Variants in GPC4 observed in about 807,000 individuals in gnomAD.
GPC4 encodes the protein glypican-4.
In GPC4, 10 loss-of-function variants were observed where a neutral mutation model predicts 35.0. That is an observed-to-expected ratio of 0.29 (90% CI 0.18 to 0.48). GPC4 has a LOEUF of 0.48. GPC4 is among the 20% of genes least tolerant of loss of function. GPC4 has a pLI of 0.99. For synonymous variants in GPC4, 167 were observed against 170.2 expected (o/e 0.98, Z 0.15); for missense variants, 322 against 451.3 (o/e 0.71, Z 2.60).
At chrX:133,400,993 G>A (rs967082647) in intron 1 of GPC4, among the ~76,000 whole-genome samples, 8 of 111,054 alleles carry the variant, frequency 7.2e-5, no homozygotes, top group Non-Finnish European at 1.5e-4. Context: ...TCAAAGCCCT[G>A]AAACATGTGA....
chrX:133,372,299 G>A (rs1487883223), intron 1 of GPC4, among the ~76,000 whole-genome samples: 1 of 104,131 alleles, frequency 9.6e-6, no homozygotes, highest in African/African-American at 3.4e-5. Context: ...AGGTATTTCT[G>A]TTTTGCAAGG....
intron 1 of GPC4, among the ~76,000 whole-genome samples, chrX:133,369,424 G>A (rs774266120): frequency 8.9e-5 from 10 of 112,078 alleles, no homozygotes; most frequent in African/African-American, 2.9e-4. Flanking sequence ...CCATTAGACA[G>A]TGTGAGTTAA....
rs1240668256 is a variant in GPC4, at chrX:133,301,376, G to C, written c.*1491C>G. 8.9e-6 allele frequency: 1 copy of C among 112,659 alleles called. No homozygotes were observed. Among genetic ancestry groups the C allele is most frequent in the Non-Finnish European group, 1.9e-5 (1 of 53,337 alleles). 9.3% of individuals were successfully genotyped at this position (112,659 alleles called of 1,213,427 possible). A position where few individuals can be genotyped will look rare whatever the true frequency, so the allele number is the denominator to read the frequency against. The stretch of plus-strand genomic sequence containing the variant: ...GACTTCTGGGAACTCCTTTGAAAGT[G>C]ATTTGTTACATTATCAGAGTTTTAT... On this transcript the variant is annotated 3_prime_UTR_variant, in exon 9 of 9. Coordinates refer to ENST00000370828, the MANE Select transcript of GPC4 (RefSeq NM_001448.3).
intron 1 of GPC4, among the ~76,000 whole-genome samples, chrX:133,363,766 A>C (rs1257155757): frequency 1.8e-5 from 2 of 111,238 alleles, no homozygotes; most frequent in Non-Finnish European, 3.8e-5. Context: ...CATCACCACT[A>C]TCTAATCCCA....
At chrX:133,348,354 C>G (rs1235057675) in intron 1 of GPC4, among the ~76,000 whole-genome samples, 1 of 112,369 alleles carries the variant, frequency 8.9e-6, no homozygotes. Context: ...CTATTTTGCA[C>G]ATTTACAACC....
intron 1 of GPC4, among the ~76,000 whole-genome samples, chrX:133,380,072 C>G (rs2068653957): frequency 9.0e-6 from 1 of 110,623 alleles, no homozygotes; most frequent in African/African-American, 3.3e-5. Context: ...CGTGGTGGCT[C>G]ACACCTGTAA....
intron 1 of GPC4, among the ~76,000 whole-genome samples, chrX:133,396,984 G>A (rs2068746300): frequency 8.9e-6 from 1 of 111,849 alleles, no homozygotes; most frequent in Non-Finnish European, 1.9e-5. Flanking sequence ...TACAGACCCA[G>A]CAGAGAGAGA....
In GPC4 at chrX:133,403,563, A is replaced by T. The variant is rs2068774843; in HGVS notation, c.160+11243T>A. ...TAAGAGCACAGCAGATATGAATAAA[A>T]ATATCTCGTCCTGGAATGAGTACAG... On this transcript the variant is annotated intron_variant, in intron 1 of 8. Coordinates refer to ENST00000370828, the MANE Select transcript of GPC4 (RefSeq NM_001448.3). 3.6e-5 allele frequency among the ~76,000 whole-genome samples: 4 copies of T among 111,568 alleles called. No homozygotes were observed. In the South Asian group the frequency reaches 1.5e-3, roughly 43 times the overall value.
intron 1 of GPC4, among the ~76,000 whole-genome samples, chrX:133,352,850 A>G (rs112793907): frequency 2.6e-4 from 29 of 111,531 alleles, no homozygotes; most frequent in Middle Eastern, 4.6e-3. Flanking sequence ...CAATTCTTCA[A>G]CTGGGCTGCC....
At chrX:133,352,067 T>C (rs992625308) in intron 1 of GPC4, among the ~76,000 whole-genome samples, 3 of 111,747 alleles carry the variant, frequency 2.7e-5, no homozygotes, top group Non-Finnish European at 3.8e-5. Context: ...TACTCTATAA[T>C]GTGAATTCCT....
rs1429881179 is a variant in GPC4 at position 133,303,002 on chromosome X, G to T, written c.1536C>A (p.Asp512Glu). 2 of 1,209,429 alleles carry T rather than the reference G, an allele frequency of 1.7e-6. No homozygotes were observed. The highest frequency in any genetic ancestry group is 1.1e-6 in the Non-Finnish European group (1 of 895,050). ...CEYQQCPSEF[D>E]YNATDHAGKS... is the part of the protein sequence containing the mutation. ...TCCCAGCATGGTCAGTGGCATTGTA[G>T]TCAAACTCTGAAGGGCACTGCTGAT... is the stretch of plus-strand genomic sequence containing the variant. The change falls in exon 9 of 9, where the codon GAC becomes GAA. Residue 512 changes from aspartate (D) to glutamate (E), a missense_variant. Physicochemically the swap from Asp to Glu is conservative, Grantham distance 45. Transcript: ENST00000370828.
Position 133,305,762 on chromosome X carries a change from A to G in GPC4, c.1155+10T>C. On this transcript the variant is annotated intron_variant, in intron 6 of 8. Transcript: ENST00000370828. ...TCATTAAACACGGCCCTTCCTGCCA[A>G]AACGCTCACCAGTCGGTCCAAACTA... 3 of 1,210,232 alleles carry G rather than the reference A, an allele frequency of 2.5e-6. No homozygotes were observed. The highest frequency in any genetic ancestry group is 2.2e-6 in the Non-Finnish European group (2 of 895,137).
intron 4 of GPC4, among the ~76,000 whole-genome samples, chrX:133,309,701 ACTTT>A (rs1235991089): frequency 1.8e-5 from 2 of 112,518 alleles, no homozygotes; most frequent in Non-Finnish European, 3.8e-5. Flanking sequence ...AGGATCACCA[ACTTT>A]CTTTAAAAAT....
chrX:133,340,845 C>A (rs1051728635), intron 1 of GPC4, among the ~76,000 whole-genome samples: 1 of 111,339 alleles, frequency 9.0e-6, no homozygotes, highest in African/African-American at 3.3e-5. Flanking sequence ...GTTAGTGCCC[C>A]CAAAAAAGGG....
At chrX:133,330,038 TAAAC>T (rs772920094) in intron 2 of GPC4, among the ~76,000 whole-genome samples, 147 of 111,972 alleles carry the variant, frequency 1.3e-3, no homozygotes, top group African/African-American at 4.6e-3. Context: ...TACTCCTTTA[TAAAC>T]AATCAACTGG....
At chrX:133,315,254 T>C (rs908095741) in intron 3 of GPC4, among the ~76,000 whole-genome samples, 3 of 110,511 alleles carry the variant, frequency 2.7e-5, no homozygotes, top group Admixed American at 9.7e-5. Context: ...ATTTAGAGCA[T>C]TTCGGATCTT....
At chrX:133,359,217 T>G (rs111457775) in intron 1 of GPC4, among the ~76,000 whole-genome samples, 29 of 111,377 alleles carry the variant, frequency 2.6e-4, no homozygotes, top group Middle Eastern at 4.7e-3. Context: ...AGAGTAAGAA[T>G]CTGTGACAAA....
At chrX:133,316,186 T>C (rs746078066) in intron 3 of GPC4, among the ~76,000 whole-genome samples, 14 of 111,920 alleles carry the variant, frequency 1.3e-4, no homozygotes, top group East Asian at 2.8e-4. Context: ...GTATTTAGTA[T>C]GTGCCAGGTT....
intron 1 of GPC4, among the ~76,000 whole-genome samples, chrX:133,344,957 G>A (rs1006024638): frequency 8.9e-6 from 1 of 112,681 alleles, no homozygotes; most frequent in Non-Finnish European, 1.9e-5. Context: ...GAACAGACTG[G>A]AAAGCACTAT....
Sources: gnomAD v4.1 joint callset for allele counts (sites outside exome capture counted in the v4.1 genomes callset) on GRCh38, gnomAD v4.1.1 for gene constraint, MANE v1.5 for transcripts, NCBI Gene and HGNC (gene_info 2026-07-23, HGNC 2026-07-21) for gene names.